The following CELSR1 variants were observed in gnomAD, a reference collection of about 807,000 sequenced individuals.
CELSR1 encodes adhesion G protein-coupled receptor C1.
In CELSR1, 110 loss-of-function variants were observed where a neutral mutation model predicts 249.1. The ratio of observed to expected loss-of-function variants is 0.44; its 90% confidence interval spans 0.38 to 0.52. CELSR1 has a LOEUF of 0.52. Ranked by LOEUF, CELSR1 falls within the 20% of genes least tolerant of loss-of-function variation. The pLI is 0.00. For missense variants in CELSR1, 4,109 were observed against 4,296.4 expected, an observed-to-expected ratio of 0.96 and a Z score of 1.22; for synonymous variants, 2,113 against 1,900.0, an observed-to-expected ratio of 1.11 and a Z score of -2.92.
chr22:46,392,647 C>A (rs932710870), intron 14 of CELSR1, among the ~76,000 whole-genome samples: 1 of 152,142 alleles, frequency 6.6e-6, no homozygotes, highest in Non-Finnish European at 1.5e-5. Flanking sequence ...GCCTCAACCT[C>A]CAGGGCTCAA....
In CELSR1 at chr22:46,500,841, T is replaced by C. The variant is rs1445296183; in HGVS notation, c.3544+32786A>G. Among the ~76,000 whole-genome samples, 2 of 151,896 alleles carry C rather than the reference T, an allele frequency of 1.3e-5. No individual in the cohort carries two copies. Among genetic ancestry groups the C allele is most frequent in the African/African-American group, 4.8e-5 (2 of 41,344 alleles). On this transcript the variant is annotated intron_variant, in intron 1 of 34. Transcript: ENST00000674500. This position sits in a 1 kb window ranked among gnomAD's most constrained non-coding sequence, Gnocchi z 4.9. ...CATTGCGTCTCTCAGGCTCAGAACA[T>C]CCCCCATCTGCGGGCAGAGCTGTCC...
chr22:46,400,916 T>C lies in CELSR1; in HGVS notation c.5227-1014A>G, dbSNP rs565679140. 7.6e-4 allele frequency among the ~76,000 whole-genome samples: 116 copies of C among 151,918 alleles called. 1 individual carries two copies. In the South Asian group the frequency reaches 0.022, roughly 29 times the overall value. Reference sequence around the variant, plus strand: ...GCAGTGAGCCTAGGTAGCACTACTGTACTTCGACTTGGGTGACAGAGTGAG... The same window carrying C: ...GCAGTGAGCCTAGGTAGCACTACTGCACTTCGACTTGGGTGACAGAGTGAG... On this transcript the variant is annotated intron_variant, in intron 9 of 34. Transcript: ENST00000674500.
intron 5 of CELSR1, among the ~76,000 whole-genome samples, chr22:46,420,173 CTCAT>C (rs1390484735): frequency 1.3e-5 from 2 of 151,922 alleles, no homozygotes; most frequent in South Asian, 2.1e-4. Flanking sequence ...CACACGTGCA[CTCAT>C]TCATACTCAC....
intron 2 of CELSR1, among the ~76,000 whole-genome samples, chr22:46,456,695 C>G (rs1302943755): frequency 6.9e-6 from 1 of 145,796 alleles, no homozygotes; most frequent in Non-Finnish European, 1.5e-5. Flanking sequence ...AAAGAGAACC[C>G]AAAATAAAAC....
chr22:46,442,991 A>G (rs138081322), intron 2 of CELSR1, among the ~76,000 whole-genome samples: 3,719 of 152,114 alleles, frequency 0.024, 138 homozygotes, highest in African/African-American at 0.078. Context: ...CCAGCTACTC[A>G]GGAGGCTGAG....
In CELSR1 at chr22:46,427,363, C is replaced by T. The variant is rs1481330026; in HGVS notation, c.4611+6030G>A. Among the ~76,000 whole-genome samples the T allele has an allele frequency of 1.3e-5, 2 of 152,138 alleles. No homozygotes were observed. The highest frequency in any genetic ancestry group is 2.4e-5 in the African/African-American group (1 of 41,416). ...ACAACCTGGCCAACATGGTGAAACT[C>T]CAATCTCTACTAAAAGTACAAAAAT... is the stretch of plus-strand genomic sequence containing the variant. On this transcript the variant is annotated intron_variant, in intron 5 of 34. Transcript: ENST00000674500. This position sits in a 1 kb window ranked among gnomAD's most constrained non-coding sequence, Gnocchi z 4.2.
chr22:46,533,733 G>A lies in CELSR1; in HGVS notation c.3438C>T (p.Asn1146=), dbSNP rs1317487681. The A allele has an allele frequency of 3.7e-6, 6 of 1,613,130 alleles. No individual in the cohort carries two copies. The highest frequency in any genetic ancestry group is 1.6e-4 in the Middle Eastern group (1 of 6,084). ...DSLNYTFVQG[N]ELRLLLLDPA... The stretch of plus-strand genomic sequence containing the variant: ...GGTCCAGCAGCAACAGGCGCAGCTC[G>A]TTGCCCTGCACGAAGGTGTAGTTGA... Residue 1146 remains asparagine, a synonymous_variant, in exon 1 of 35, where the codon AAC becomes AAT. Transcript: ENST00000674500.
intron 2 of CELSR1, among the ~76,000 whole-genome samples, chr22:46,450,546 G>C (rs1315184492): frequency 6.6e-6 from 1 of 152,240 alleles, no homozygotes; most frequent in Non-Finnish European, 1.5e-5. Context: ...TTCAGAGAGG[G>C]CAGTTACTTG....
At chr22:46,418,123 G>A (rs2079424231) in intron 5 of CELSR1, among the ~76,000 whole-genome samples, 1 of 152,246 alleles carries the variant, frequency 6.6e-6, no homozygotes, top group Admixed American at 6.5e-5. Context: ...GTGAAGAAAA[G>A]CAAAATAACA....
chr22:46,394,383 G>A (rs940471058), intron 13 of CELSR1, 121 bp from the exon 14 acceptor site: 12 of 1,188,234 alleles, frequency 1.0e-5, no homozygotes, highest in African/African-American at 3.1e-5. Context: ...CCAGCTCTGG[G>A]AGCTTCCCCT....
chr22:46,424,881 G>C (rs2147395276), intron 5 of CELSR1, among the ~76,000 whole-genome samples: 1 of 152,352 alleles, frequency 6.6e-6, no homozygotes, highest in Admixed American at 6.5e-5. Flanking sequence ...CGAGGCAGGA[G>C]AATCACTTGA....
intron 2 of CELSR1, among the ~76,000 whole-genome samples, chr22:46,443,278 G>C (rs1304091677): frequency 6.6e-6 from 1 of 152,198 alleles, no homozygotes; most frequent in Non-Finnish European, 1.5e-5. Flanking sequence ...GCTGACGCCG[G>C]GTCAGAGCCA....
At chr22:46,439,135 G>A in intron 3 of CELSR1, 54 bp downstream of exon 3, 1 of 1,511,136 alleles carries the variant, frequency 6.6e-7, no homozygotes, top group Non-Finnish European at 9.1e-7. Context: ...GCACGGAGAA[G>A]CTCGCCCCTT....
intron 24 of CELSR1, 52 bp from the exon 25 acceptor site, chr22:46,373,109 C>T (rs1299915611): frequency 6.6e-7 from 1 of 1,507,988 alleles, no homozygotes; most frequent in Middle Eastern, 1.8e-4. Flanking sequence ...AGGCTGAGGT[C>T]AGACAGGCAT....
rs2080520413 is a variant in CELSR1, at chr22:46,506,898, C to T, written c.3544+26729G>A. On this transcript the variant is annotated intron_variant, in intron 1 of 34. Transcript: ENST00000674500. This position sits in a 1 kb window ranked among gnomAD's most constrained non-coding sequence, Gnocchi z 4.1. ...ACACAGGAAGTCCTTTTTTCCAACACATAAAAACCGATTCCAGGCGGGGCG... is the reference window on the plus strand; with the variant it reads ...ACACAGGAAGTCCTTTTTTCCAACATATAAAAACCGATTCCAGGCGGGGCG... Among the ~76,000 whole-genome samples the T allele has an allele frequency of 6.6e-6, 1 of 152,176 alleles. No individual in the cohort carries two copies. Among genetic ancestry groups the T allele is most frequent in the South Asian group, 2.1e-4 (1 of 4,826 alleles).
intron 24 of CELSR1, among the ~76,000 whole-genome samples, chr22:46,375,111 A>G (rs1482198109): frequency 6.6e-6 from 1 of 152,112 alleles, no homozygotes; most frequent in Admixed American, 6.5e-5. Context: ...GCTTGCCGTA[A>G]AAAAGGAGGA....
chr22:46,481,342 G>A (rs1432758301), intron 1 of CELSR1: 7 of 711,274 alleles, frequency 9.8e-6, no homozygotes, highest in Non-Finnish European at 1.7e-5. Context: ...CCCAATGGAT[G>A]AGAGAGCCTC....
Position 46,374,653 on chromosome 22 carries a change from G to A in CELSR1, c.7585-1596C>T, listed in dbSNP as rs2078897896. On this transcript the variant is annotated intron_variant, in intron 24 of 34. Coordinates refer to ENST00000674500, the MANE Select transcript of CELSR1 (RefSeq NM_001378328.1). This position sits in a 1 kb window ranked among gnomAD's most constrained non-coding sequence, Gnocchi z 4.3. ...ACCCAGGGGCCGCCTCAGTTTCGCT[G>A]GGGTGTTGAGTTGCAGGGAGTGGCC... is the stretch of plus-strand genomic sequence containing the variant. Among the ~76,000 whole-genome samples, 1 of 152,280 alleles carries A rather than the reference G, an allele frequency of 6.6e-6. No homozygotes were observed. The highest frequency in any genetic ancestry group is 6.5e-5 in the Admixed American group (1 of 15,300).
Position 46,409,166 on chromosome 22 carries a change from C to T in CELSR1, c.5060-4G>A, listed in dbSNP as rs368834406. The T allele has an allele frequency of 3.4e-5, 54 of 1,611,874 alleles. No homozygotes were observed. Among genetic ancestry groups the T allele is most frequent in the Admixed American group, 2.3e-4 (14 of 59,738 alleles). ...AAGAGCTGGGGGTGAGGCATGGCTG[C>T]GGACACAGGCCCAGGGACCTCAGGT... On this transcript the variant is annotated splice_region_variant and splice_polypyrimidine_tract_variant and intron_variant, in intron 8 of 34. Coordinates refer to ENST00000674500, the MANE Select transcript of CELSR1 (RefSeq NM_001378328.1). This position sits in a 1 kb window ranked among gnomAD's most constrained non-coding sequence, Gnocchi z 9.8.
Sources: gnomAD v4.1 joint callset for allele counts (sites outside exome capture counted in the v4.1 genomes callset) on GRCh38, gnomAD v4.1.1 for gene constraint, Gnocchi (gnomAD v3.1) non-coding constraint, MANE v1.5 for transcripts, NCBI Gene and HGNC (gene_info 2026-07-23, HGNC 2026-07-21) for gene names.